The following KALRN variants were observed in gnomAD, a reference collection of about 807,000 sequenced individuals.
The protein encoded by KALRN is kalirin RhoGEF kinase.
In KALRN, 70 loss-of-function variants were observed where a neutral mutation model predicts 353.7. That is an observed-to-expected ratio of 0.20 (90% CI 0.16 to 0.24). The LOEUF is 0.24. Ranked by LOEUF, KALRN falls within the 10% of genes least tolerant of loss-of-function variation. KALRN has a pLI of 1.00. For missense variants in KALRN, 2,791 were observed against 3,756.7 expected (o/e 0.74, Z 6.72); for synonymous variants, 1,391 against 1,434.8 (o/e 0.97, Z 0.69).
At chr3:124,153,645 G>A (rs1323193168) in intron 1 of KALRN, among the ~76,000 whole-genome samples, 3 of 151,432 alleles carry the variant, frequency 2.0e-5, no homozygotes, top group African/African-American at 7.3e-5. Flanking sequence ...TAATGGGATG[G>A]CTGGGTCAAA....
chr3:124,476,762 T>A (rs943497844), intron 26 of KALRN, among the ~76,000 whole-genome samples: 5 of 152,280 alleles, frequency 3.3e-5, no homozygotes, highest in African/African-American at 1.2e-4. Flanking sequence ...GATGGCATAG[T>A]CCCTTGCCAT....
intron 6 of KALRN, among the ~76,000 whole-genome samples, chr3:124,303,571 G>T (rs900964368): frequency 2.6e-5 from 4 of 152,132 alleles, no homozygotes; most frequent in African/African-American, 9.7e-5. Flanking sequence ...CATGCGACTC[G>T]CAGGAGTACA....
chr3:124,292,629 G>C (rs116589782), intron 5 of KALRN, among the ~76,000 whole-genome samples: 3 of 132,524 alleles, frequency 2.3e-5, no homozygotes, highest in African/African-American at 5.1e-5. Context: ...GTGTCTGTGC[G>C]GTGCCCTGCG....
chr3:124,623,962 C>G (rs1006955059), intron 34 of KALRN, among the ~76,000 whole-genome samples: 5 of 152,238 alleles, frequency 3.3e-5, no homozygotes, highest in Admixed American at 6.5e-5. Context: ...CATGCTAAAA[C>G]AGTCGCCGTC....
intron 2 of KALRN, among the ~76,000 whole-genome samples, chr3:124,229,782 T>G (rs1442149588): frequency 1.3e-5 from 2 of 152,228 alleles, no homozygotes; most frequent in Non-Finnish European, 2.9e-5. Flanking sequence ...CATTCTATAT[T>G]ATTGTAATTA....
At chr3:124,109,737 TATATATG>T (rs2062680486) in intron 1 of KALRN, among the ~76,000 whole-genome samples, 8 of 141,598 alleles carry the variant, frequency 5.6e-5, no homozygotes, top group Admixed American at 7.0e-5. Flanking sequence ...TACTTTGATA[TATATATG>T]ACATATATAT....
chr3:124,527,390 A>G (rs538883860), intron 33 of KALRN, among the ~76,000 whole-genome samples: 57 of 152,184 alleles, frequency 3.7e-4, no homozygotes, highest in South Asian at 1.2e-3. Flanking sequence ...CAGGAGGATC[A>G]TGAGGCCAGG....
intron 5 of KALRN, 144 bp from the exon 6 acceptor site, chr3:124,298,647 A>G (rs902652662): frequency 2.1e-6 from 2 of 948,724 alleles, no homozygotes; most frequent in East Asian, 2.4e-5. Context: ...GGCCCACCCC[A>G]TTAAGACCCC....
At chr3:124,193,712 G>T (rs2075158646) in intron 1 of KALRN, among the ~76,000 whole-genome samples, 1 of 151,848 alleles carries the variant, frequency 6.6e-6, no homozygotes, top group African/African-American at 2.4e-5. Context: ...TGCCAGTGAT[G>T]ACCCCTCTTT....
At chr3:124,491,132 T>G (rs1363314390) in intron 30 of KALRN, among the ~76,000 whole-genome samples, 191 bp from the exon 31 acceptor site, 2 of 152,154 alleles carry the variant, frequency 1.3e-5, no homozygotes, top group Non-Finnish European at 2.9e-5. Context: ...TGGTACCTGC[T>G]AATCAGGCAC....
intron 33 of KALRN, among the ~76,000 whole-genome samples, chr3:124,524,171 G>A (rs944103978): frequency 6.6e-6 from 1 of 152,116 alleles, no homozygotes; most frequent in African/African-American, 2.4e-5. Context: ...ACAGTCCCAC[G>A]CAAGCTGCTC....
chr3:124,040,159 G>A (rs986203623), intron 1 of KALRN, among the ~76,000 whole-genome samples: 12 of 152,184 alleles, frequency 7.9e-5, no homozygotes, highest in African/African-American at 2.9e-4. Context: ...ATGAAAGGAG[G>A]TTTTAGAATA....
intron 3 of KALRN, among the ~76,000 whole-genome samples, chr3:124,256,784 A>G (rs966215079): frequency 6.6e-6 from 1 of 152,214 alleles, no homozygotes; most frequent in African/African-American, 2.4e-5. Flanking sequence ...GGCCTTGCCC[A>G]GAAGTTTGAG....
chr3:124,374,090 C>A (rs969146856), intron 10 of KALRN, among the ~76,000 whole-genome samples: 1 of 152,152 alleles, frequency 6.6e-6, no homozygotes, highest in Non-Finnish European at 1.5e-5. Flanking sequence ...GAGGCAGGAA[C>A]TTTGGGAGGT....
intron 33 of KALRN, among the ~76,000 whole-genome samples, chr3:124,540,862 C>T (rs1479229573): frequency 6.6e-6 from 1 of 152,220 alleles, no homozygotes; most frequent in Non-Finnish European, 1.5e-5. Flanking sequence ...TGTTCCCTAG[C>T]TGCATGCCAG....
At chr3:124,450,921 G>C (rs1330086881) in intron 21 of KALRN, among the ~76,000 whole-genome samples, 7 of 151,846 alleles carry the variant, frequency 4.6e-5, no homozygotes, top group Non-Finnish European at 4.4e-5. Context: ...TGAAAATTTT[G>C]GTTCTTTTAT....
intron 34 of KALRN, among the ~76,000 whole-genome samples, chr3:124,599,258 C>T (rs1376164391): frequency 6.6e-6 from 1 of 152,170 alleles, no homozygotes; most frequent in South Asian, 2.1e-4. Flanking sequence ...ATAGCCTTAT[C>T]ATGCTCACAT....
chr3:124,522,532 C>T (rs2067249907), intron 33 of KALRN, among the ~76,000 whole-genome samples: 2 of 152,088 alleles, frequency 1.3e-5, no homozygotes, highest in Non-Finnish European at 2.9e-5. Flanking sequence ...TGCCCAATTC[C>T]TAGCATTCCC....
At chr3:124,086,348 TGTGTG>T (rs2060820460) in intron 1 of KALRN, among the ~76,000 whole-genome samples, 1 of 146,018 alleles carries the variant, frequency 6.8e-6, no homozygotes, top group African/African-American at 2.6e-5. Context: ...TGTGTGTGTG[TGTGTG>T]TTTTTGCTGG....
Sources: allele counts gnomAD v4.1 joint callset (sites outside exome capture counted in the v4.1 genomes callset), GRCh38; gene constraint gnomAD v4.1.1; transcripts MANE v1.5; gene names NCBI Gene and HGNC (gene_info 2026-07-23, HGNC 2026-07-21).